Variants in MBNL1 observed in about 807,000 individuals in gnomAD.
The protein encoded by MBNL1 is muscleblind-like protein 1.
A neutral mutation model predicts 42.2 loss-of-function variants in MBNL1; 8 were observed. The observed-to-expected ratio is 0.19, with a 90% confidence interval of 0.11 to 0.34. The LOEUF is 0.34. MBNL1 is among the 10% of genes least tolerant of loss of function. The pLI, the probability that MBNL1 is intolerant of heterozygous loss-of-function variation, is 1.00. For synonymous variants in MBNL1, 169 were observed against 173.9 expected (o/e 0.97, Z 0.22); for missense variants, 309 against 495.3 (o/e 0.62, Z 3.57).
At chr3:152,425,287 C>A (rs1215288346) in intron 3 of MBNL1, among the ~76,000 whole-genome samples, 7 of 151,214 alleles carry the variant, frequency 4.6e-5, no homozygotes, top group East Asian at 1.9e-4. Flanking sequence ...ATGTGGCCAA[C>A]AAATGTATGA....
At chr3:152,310,773 G>A (rs1250040607) in intron 2 of MBNL1, among the ~76,000 whole-genome samples, 1 of 151,944 alleles carries the variant, frequency 6.6e-6, no homozygotes, top group Non-Finnish European at 1.5e-5. Flanking sequence ...TTTAAGTCAT[G>A]CCGCAGACAG....
chr3:152,328,811 A>C (rs1415214769), intron 2 of MBNL1, among the ~76,000 whole-genome samples: 1 of 152,146 alleles, frequency 6.6e-6, no homozygotes, highest in African/African-American at 2.4e-5. Flanking sequence ...TTTTTTAAAA[A>C]CAATATTTAC....
At chr3:152,316,227 A>T (rs774325932) in intron 2 of MBNL1, among the ~76,000 whole-genome samples, 3 of 152,192 alleles carry the variant, frequency 2.0e-5, no homozygotes, top group Non-Finnish European at 4.4e-5. Flanking sequence ...CTGCCTTTTA[A>T]AAAATGCACG....
chr3:152,265,387 A>AGTGTGTGTGTGTGTGTGT (rs10664067), upstream of MBNL1: 2 of 145,190 alleles, frequency 1.4e-5, no homozygotes, highest in African/African-American at 5.2e-5. Context: ...TTTGTGTGAG[A>AGTGTGTGTGTGTGTGTGT]GTGTGTGTGT....
intron 2 of MBNL1, among the ~76,000 whole-genome samples, chr3:152,334,043 G>T (rs948749178): frequency 6.6e-6 from 1 of 152,158 alleles, no homozygotes; most frequent in African/African-American, 2.4e-5. Context: ...CACGTATAAA[G>T]CACAGAGAAC....
chr3:152,410,528 C>G (rs1168819400), intron 2 of MBNL1, among the ~76,000 whole-genome samples: 1 of 152,178 alleles, frequency 6.6e-6, no homozygotes, highest in East Asian at 1.9e-4. Flanking sequence ...GCATATATTG[C>G]AATGATGTCT....
intron 3 of MBNL1, among the ~76,000 whole-genome samples, chr3:152,423,582 G>A (rs11918261): frequency 0.13 from 19,688 of 152,166 alleles, 1,551 homozygotes; most frequent in African/African-American, 0.22. Context: ...CACTCATTTT[G>A]TGAGGCCAGC....
Position 152,465,770 on chromosome 3 carries a change from TTTC to T in MBNL1, c.*3407_*3409del, listed in dbSNP as rs1750305343. 1 of 152,324 alleles carries T rather than the reference TTTC, an allele frequency of 6.6e-6. No individual in the cohort carries two copies. Among genetic ancestry groups the T allele is most frequent in the Admixed American group, 6.5e-5 (1 of 15,276 alleles). The allele number at this position is 152,324 out of a possible 1,614,324, so 9.4% of individuals were successfully genotyped here. A position where few individuals can be genotyped will look rare whatever the true frequency, so the allele number is the denominator to read the frequency against. ...TGAAATTGCCCTAATAAAACTTCTC[TTTC>T]TTAAGTATATTCGTGTATCTGAGAT... On this transcript the variant is annotated 3_prime_UTR_variant, in exon 10 of 10. Transcript: ENST00000324210.
At chr3:152,273,892 TTGTA>T (rs1262508296) in intron 1 of MBNL1, among the ~76,000 whole-genome samples, 1 of 152,134 alleles carries the variant, frequency 6.6e-6, no homozygotes, top group Non-Finnish European at 1.5e-5. Context: ...AACATACAAT[TTGTA>T]TGTAACGCAT....
At position 152,401,874 on chromosome 3, in the gene MBNL1, C is replaced by CA. The variant is rs1445924191; in HGVS notation, c.175-13059dup. On this transcript the variant is annotated intron_variant, in intron 2 of 9. Transcript: ENST00000324210. ...TGAAACCCCGTCTCTACTAAAAATACAAAAAAAATCAGCCGTGTGTTGTGG... is the reference window on the plus strand; with the variant it reads ...TGAAACCCCGTCTCTACTAAAAATACAAAAAAAAATCAGCCGTGTGTTGTGG... Among the ~76,000 whole-genome samples the CA allele has an allele frequency of 8.6e-5, 13 of 151,394 alleles. No individual in the cohort carries two copies. The South Asian group carries it at 1.3e-3, about 15-fold the overall frequency.
chr3:152,296,851 T>G (rs1190910794), intron 1 of MBNL1, among the ~76,000 whole-genome samples: 1 of 76,152 alleles, frequency 1.3e-5, no homozygotes, highest in Non-Finnish European at 3.0e-5. Context: ...ACTCCATCTA[T>G]TTTGCATCAT....
In MBNL1 at chr3:152,419,142, C is replaced by G. The variant is rs1222315046; in HGVS notation, c.345+4031C>G. Among the ~76,000 whole-genome samples the G allele has an allele frequency of 2.1e-4, 32 of 151,958 alleles. 1 individual carries two copies. Among genetic ancestry groups the G allele is most frequent in the Admixed American group, 2.1e-3 (32 of 15,258 alleles). ...ATATTATCAATTATAGAATAATTGACATTCTGCTGTCATTCCTATATCACT... is the reference window on the plus strand; with the variant it reads ...ATATTATCAATTATAGAATAATTGAGATTCTGCTGTCATTCCTATATCACT... On this transcript the variant is annotated intron_variant, in intron 3 of 9. Coordinates refer to ENST00000324210, the MANE Select transcript of MBNL1 (RefSeq NM_021038.5).
intron 6 of MBNL1, among the ~76,000 whole-genome samples, chr3:152,453,764 A>G (rs532107130): frequency 2.0e-5 from 3 of 152,278 alleles, no homozygotes; most frequent in African/African-American, 7.2e-5. Context: ...CTAAAATTCA[A>G]ATCATAATAG....
At chr3:152,276,544 G>T (rs1221332138) in intron 1 of MBNL1, among the ~76,000 whole-genome samples, 1 of 152,076 alleles carries the variant, frequency 6.6e-6, no homozygotes, top group African/African-American at 2.4e-5. Context: ...ATAAACGTTT[G>T]GAATACTTTA....
chr3:152,308,800 T>G (rs1304024439), intron 2 of MBNL1, among the ~76,000 whole-genome samples: 1 of 151,870 alleles, frequency 6.6e-6, no homozygotes, highest in Non-Finnish European at 1.5e-5. Context: ...AGTATCAAAC[T>G]CAATTTTTGT....
chr3:152,310,079 A>G (rs2065495804), intron 2 of MBNL1, among the ~76,000 whole-genome samples: 1 of 152,222 alleles, frequency 6.6e-6, no homozygotes, highest in Non-Finnish European at 1.5e-5. Flanking sequence ...AAACCGCTGC[A>G]TAGTCAGTGT....
At chr3:152,261,768 T>C (rs922734253) in intron 2 of MBNL1, among the ~76,000 whole-genome samples, 8 of 152,262 alleles carry the variant, frequency 5.3e-5, no homozygotes, top group Admixed American at 6.5e-5. Flanking sequence ...GCTAGGACAA[T>C]ATTTGTTAAA....
chr3:152,276,527 T>A (rs548817305), intron 1 of MBNL1, among the ~76,000 whole-genome samples: 3 of 152,268 alleles, frequency 2.0e-5, no homozygotes, highest in East Asian at 3.9e-4. Flanking sequence ...GATAGGAGCT[T>A]GAGAACATAA....
At chr3:152,394,247 C>G (rs1264893116) in intron 2 of MBNL1, among the ~76,000 whole-genome samples, 1 of 152,156 alleles carries the variant, frequency 6.6e-6, no homozygotes, top group African/African-American at 2.4e-5. Flanking sequence ...CATATTTTAA[C>G]TAAATGTGTA....
Sources: allele counts gnomAD v4.1 joint callset (sites outside exome capture counted in the v4.1 genomes callset), GRCh38; gene constraint gnomAD v4.1.1; transcripts MANE v1.5; gene names NCBI Gene and HGNC (gene_info 2026-07-23, HGNC 2026-07-21).